CC2D1B: variants seen among roughly 807,000 people sequenced by gnomAD.
CC2D1B encodes the protein coiled-coil and C2 domain-containing protein 1B.
In CC2D1B, 92 loss-of-function variants were observed where a neutral mutation model predicts 110.8. The ratio of observed to expected loss-of-function variants is 0.83; its 90% CI spans 0.70 to 0.99. The LOEUF (loss-of-function observed/expected upper bound fraction) is 0.99, where lower values mean the gene tolerates loss of function less well. Ranked by LOEUF, CC2D1B falls within the 50% of genes least tolerant of loss-of-function variation. The probability of loss-of-function intolerance (pLI) is 0.00; values close to 1 mark genes in which losing one functional copy is unlikely to be tolerated. For synonymous variants in CC2D1B, 406 were observed against 429.2 expected (o/e 0.95, Z 0.67); for missense variants, 1,136 against 1,089.0 (o/e 1.04, Z -0.61).
chr1:52,357,603 C>G lies in CC2D1B; in HGVS notation c.1675G>C (p.Ala559Pro). The change falls in exon 15 of 25, where the codon GCC (alanine) becomes CCC (proline). Residue 559 changes from alanine (A) to proline (P), a missense_variant. Physicochemically the swap from Ala to Pro is conservative, Grantham distance 27. Coordinates refer to ENST00000284376, the MANE Select transcript of CC2D1B (RefSeq NM_001330585.2). ...AGCCATTTGGCTACCCGCAGATAGG[C>G]TTTGGCCTGCTCCAGGTCCTGGCTG... ...KRSQDLEQAK[A>P]YLRVAKWLEA... is the part of the protein sequence containing the mutation. 5 of 1,588,686 alleles carry G rather than the reference C, an allele frequency of 3.1e-6. No homozygotes were observed. The highest frequency in any genetic ancestry group is 4.3e-6 in the Non-Finnish European group (5 of 1,166,646).
At chr1:52,361,725 A>G (rs1646787042) in intron 3 of CC2D1B, 109 bp from the exon 4 acceptor site, 1 of 1,353,806 alleles carries the variant, frequency 7.4e-7, no homozygotes, top group Non-Finnish European at 1.0e-6. Flanking sequence ...TCCCTCCCAC[A>G]GCAGAGTCCC....
intron 1 of CC2D1B, among the ~76,000 whole-genome samples, chr1:52,365,708 TA>T (rs1419343478): frequency 6.6e-6 from 1 of 151,552 alleles, no homozygotes; most frequent in Non-Finnish European, 1.5e-5. Flanking sequence ...GCACAGAAGG[TA>T]GGGGGAAAAG....
rs61733794 is a variant in CC2D1B, at chr1:52,359,833, C to T, written c.814G>A (p.Val272Ile). 1.4e-4 allele frequency: 230 copies of T among 1,611,934 alleles called. No individual in the cohort carries two copies. The African/African-American group carries it at 2.4e-3, about 17-fold the overall frequency. ...CGCGGGTCTGGGTCTAAGTCTGAAA[C>T]GGGCTGGGCAGAAATGCCAGGGAGG... ...TSLPGISAQP[V>I]SDLDPDPRAL... Residue 272 changes from valine to isoleucine, a missense_variant, in exon 8 of 25, where the codon GTT (valine) becomes ATT (isoleucine). By Grantham distance (29) the Val-to-Ile change is conservative (BLOSUM62 3). Coordinates refer to ENST00000284376, the MANE Select transcript of CC2D1B (RefSeq NM_001330585.2).
chr1:52,363,663 C>T (rs1646829835), intron 2 of CC2D1B, among the ~76,000 whole-genome samples: 1 of 151,428 alleles, frequency 6.6e-6, no homozygotes. Context: ...TATGACTACT[C>T]TAGGTAGAGG....
chr1:52,353,196 T>G lies in CC2D1B; in HGVS notation c.*29A>C, dbSNP rs780019223. The stretch of plus-strand genomic sequence containing the variant: ...AGTCATCTCCTGCACAGTCGCGGCC[T>G]GACTCCTCTCCTGGTGCTGGCCATC... On this transcript the variant is annotated 3_prime_UTR_variant, in exon 25 of 25. Coordinates refer to ENST00000284376, the MANE Select transcript of CC2D1B (RefSeq NM_001330585.2). 2.2e-6 allele frequency: 3 copies of G among 1,337,890 alleles called. No individual in the cohort carries two copies. Among genetic ancestry groups the G allele is most frequent in the South Asian group, 2.5e-5 (2 of 81,294 alleles). The allele number at this position is 1,337,890 out of a possible 1,614,324, so 82.9% of individuals were successfully genotyped here.
chr1:52,352,960 A>G lies in CC2D1B; in HGVS notation c.*265T>C. On this transcript the variant is annotated 3_prime_UTR_variant, in exon 25 of 25. Transcript: ENST00000284376. ...GGACTCCATGGTACAGAGGAATGGA[A>G]GTGTCCTTGCCCTCTTCCAGACTCG... 2.8e-6 allele frequency: 1 copy of G among 358,346 alleles called. No homozygotes were observed. Among genetic ancestry groups the G allele is most frequent in the Non-Finnish European group, 5.6e-6 (1 of 177,338 alleles). 22.2% of individuals were successfully genotyped at this position (358,346 alleles called of 1,614,324 possible).
At chr1:52,357,985 CTG>C in intron 13 of CC2D1B, 87 bp from the exon 14 acceptor site, 2 of 1,504,238 alleles carry the variant, frequency 1.3e-6, no homozygotes, top group African/African-American at 1.4e-5. Context: ...CTTCCTAACA[CTG>C]TACTACATCG....
chr1:52,359,873 G>A lies in CC2D1B; in HGVS notation c.774C>T (p.Ser258=), dbSNP rs1418778118. ...APPALESDNP[S]QPETSLPGIS... ...TGCCAGGGAGGCTGGTCTCAGGTTGGGAGGGGTTGTCTATAAGGAAACAAA... is the reference window on the plus strand; with the variant it reads ...TGCCAGGGAGGCTGGTCTCAGGTTGAGAGGGGTTGTCTATAAGGAAACAAA... Residue 258 remains serine, a synonymous_variant, in exon 8 of 25, where the codon TCC becomes TCT. Coordinates refer to ENST00000284376, the MANE Select transcript of CC2D1B (RefSeq NM_001330585.2). 1 of 1,611,342 alleles carries A rather than the reference G, an allele frequency of 6.2e-7. No individual in the cohort carries two copies. Among genetic ancestry groups the A allele is most frequent in the Non-Finnish European group, 8.5e-7 (1 of 1,178,890 alleles).
intron 23 of CC2D1B, 197 bp from the exon 24 acceptor site, chr1:52,353,844 A>C (rs1646581757): frequency 1.9e-6 from 1 of 518,590 alleles, no homozygotes; most frequent in African/African-American, 1.9e-5. Context: ...AGTCTTATTA[A>C]AAAAGTAATA....
intron 23 of CC2D1B, chr1:52,354,258 G>A (rs151294638): frequency 1.5e-4 from 68 of 446,750 alleles, no homozygotes; most frequent in African/African-American, 1.3e-3. Flanking sequence ...TCAGTAAGGA[G>A]CTGGTCGTAG....
intron 11 of CC2D1B, 70 bp from the exon 12 acceptor site, chr1:52,358,828 C>T (rs913709598): frequency 2.2e-5 from 33 of 1,502,510 alleles, no homozygotes; most frequent in Non-Finnish European, 2.9e-5. Flanking sequence ...ACATGACACA[C>T]AGTGGGGCAA....
In CC2D1B at chr1:52,364,587, G is replaced by A. The variant is rs374969744; in HGVS notation, c.34C>T (p.Gln12Ter). The change falls in exon 2 of 25, where the codon CAG (glutamine) becomes TAG (stop). Residue 12 changes from glutamine to a stop codon, truncating the protein, a stop_gained. Transcript: ENST00000284376. LOFTEE classifies it high-confidence loss of function. ...GCGGCCACCCCTTGGCCTCTGGCCT[G>A]AGGGCCCTTCCGAGGTCTTGGCCCT... ...MPGPRPRKGP[Q>*]ARGQGVAAAK... 1 of 1,608,096 alleles carries A rather than the reference G, an allele frequency of 6.2e-7. No individual in the cohort carries two copies. Among genetic ancestry groups the A allele is most frequent in the African/African-American group, 1.3e-5 (1 of 74,814 alleles).
chr1:52,354,288 T>C (rs1182930083), intron 23 of CC2D1B: 3 of 533,732 alleles, frequency 5.6e-6, no homozygotes, highest in South Asian at 1.6e-5. Flanking sequence ...GGACACACCA[T>C]ATGAGCTTAC....
chr1:52,354,951 G>T lies in CC2D1B; in HGVS notation c.2240-12C>A. ...GAGTTGATCAAATTCTGGCAAAGGGGGAGAAAGCAAGGAGGGGCTTGGCTC... is the reference window on the plus strand; with the variant it reads ...GAGTTGATCAAATTCTGGCAAAGGGTGAGAAAGCAAGGAGGGGCTTGGCTC... On this transcript the variant is annotated splice_polypyrimidine_tract_variant and intron_variant, in intron 21 of 24. Transcript: ENST00000284376. The T allele has an allele frequency of 1.9e-6, 3 of 1,608,742 alleles. No individual in the cohort carries two copies. Among genetic ancestry groups the T allele is most frequent in the Non-Finnish European group, 2.6e-6 (3 of 1,175,094 alleles).
intron 16 of CC2D1B, 52 bp from the exon 17 acceptor site, chr1:52,356,494 G>T: frequency 6.2e-7 from 1 of 1,600,848 alleles, no homozygotes; most frequent in East Asian, 2.2e-5. Flanking sequence ...GACCTGCCTT[G>T]GTTGGCATTC....
rs541800142 is a variant in CC2D1B at position 52,357,221 on chromosome 1, G to T, written c.1753-95C>A. 7.7e-3 allele frequency: 11,094 copies of T among 1,435,672 alleles called. 73 individuals are homozygous for T. The highest frequency in any genetic ancestry group is 0.02 in the South Asian group (1,632 of 82,036). 88.9% of individuals were successfully genotyped at this position (1,435,672 alleles called of 1,614,324 possible). A position where few individuals can be genotyped will look rare whatever the true frequency, so the allele number is the denominator to read the frequency against. ...GGAGCCCAAACTAAGTAATTCTTCA[G>T]CTTCTACTAAAGTCCAGTGATGACA... On this transcript the variant is annotated intron_variant, in intron 15 of 24. Transcript: ENST00000284376.
At chr1:52,359,568 G>A in intron 8 of CC2D1B, 34 bp from the exon 9 acceptor site, 9 of 1,608,772 alleles carry the variant, frequency 5.6e-6, no homozygotes, top group Non-Finnish European at 7.6e-6. Flanking sequence ...GTGGGTGAAA[G>A]ACAGGGGACC....
Position 52,359,758 on chromosome 1 carries a change from C to T in CC2D1B, c.889G>A (p.Ala297Thr). The stretch of plus-strand genomic sequence containing the variant: ...CGGTCTAGCTCTCCAGCCCGCTTGG[C>T]ACTGAGGGCAGCCACTTTGTACTCT... ...QREYKVAALS[A>T]KRAGELDRAR... The change falls in exon 8 of 25, where the codon GCC (alanine) becomes ACC (threonine). Residue 297 changes from alanine (A) to threonine (T), a missense_variant. Transcript: ENST00000284376. The T allele has an allele frequency of 6.2e-7, 1 of 1,610,656 alleles. No homozygotes were observed. The highest frequency in any genetic ancestry group is 8.5e-7 in the Non-Finnish European group (1 of 1,178,550).
In CC2D1B at chr1:52,351,292, C is replaced by T. The variant is rs1405571743; in HGVS notation, c.*1933G>A. 1 of 152,198 alleles carries T rather than the reference C, an allele frequency of 6.6e-6. No homozygotes were observed. The highest frequency in any genetic ancestry group is 2.4e-5 in the African/African-American group (1 of 41,438). The allele number at this position is 152,198 out of a possible 1,614,324, so 9.4% of individuals were successfully genotyped here. The stretch of plus-strand genomic sequence containing the variant: ...TTTAGAGCTATAGAAAACTTTCTAT[C>T]TATCGAAATAGGCCATTTCCAACAG... On this transcript the variant is annotated 3_prime_UTR_variant, in exon 25 of 25. Coordinates refer to ENST00000284376, the MANE Select transcript of CC2D1B (RefSeq NM_001330585.2).
Sources: gnomAD v4.1 joint callset for allele counts (sites outside exome capture counted in the v4.1 genomes callset) on GRCh38, gnomAD v4.1.1 for gene constraint, MANE v1.5 for transcripts, NCBI Gene and HGNC (gene_info 2026-07-23, HGNC 2026-07-21) for gene names.